The following SHROOM3 variants were observed in gnomAD, a reference collection of about 807,000 sequenced individuals.
SHROOM3 encodes the protein protein Shroom3.
In SHROOM3, 47 loss-of-function variants were observed where a neutral mutation model predicts 138.6. The ratio of observed to expected loss-of-function variants is 0.34; its 90% CI spans 0.27 to 0.43. The LOEUF (loss-of-function observed/expected upper bound fraction) is 0.43, where lower values mean the gene tolerates loss of function less well. Among genes scored for constraint, SHROOM3 ranks in the 20% least tolerant of loss-of-function variants. SHROOM3 has a pLI of 1.00. For synonymous variants in SHROOM3, 1,062 were observed against 1,063.3 expected (o/e 1.00, Z 0.02); for missense variants, 2,491 against 2,596.5 (o/e 0.96, Z 0.88).
At chr4:76,680,404 A>G (rs10019699) in intron 2 of SHROOM3, among the ~76,000 whole-genome samples, 103,139 of 152,110 alleles carry the variant, frequency 0.68, 36,107 homozygotes, top group East Asian at 0.94. Flanking sequence ...CTCCCAAAGT[A>G]CTGGGATTAC....
chr4:76,586,142 A>T (rs548887078), intron 2 of SHROOM3: 2 of 609,560 alleles, frequency 3.3e-6, no homozygotes, highest in South Asian at 7.2e-5. Flanking sequence ...TTCCCCTTAC[A>T]TCAGCGGGCC....
At chr4:76,665,580 A>G (rs900637421) in intron 2 of SHROOM3, among the ~76,000 whole-genome samples, 13 of 152,202 alleles carry the variant, frequency 8.5e-5, no homozygotes, top group African/African-American at 2.9e-4. Flanking sequence ...ATCTACAATA[A>G]TTAAAATGGT....
intron 1 of SHROOM3, among the ~76,000 whole-genome samples, chr4:76,514,988 G>A (rs754813067): frequency 1.3e-5 from 2 of 152,150 alleles, no homozygotes; most frequent in Non-Finnish European, 2.9e-5. Flanking sequence ...GCCAAGGTGG[G>A]TGGATCGCTT....
chr4:76,677,464 G>A (rs893817558), intron 2 of SHROOM3, among the ~76,000 whole-genome samples: 1 of 152,150 alleles, frequency 6.6e-6, no homozygotes, highest in African/African-American at 2.4e-5. Context: ...CTACCTTAAG[G>A]TATTATTGTA....
At chr4:76,609,271 A>C (rs903723501) in intron 2 of SHROOM3, among the ~76,000 whole-genome samples, 1 of 152,142 alleles carries the variant, frequency 6.6e-6, no homozygotes, top group South Asian at 2.1e-4. Context: ...CCATATAGAC[A>C]ATCTGTTTTG....
At chr4:76,650,637 C>T (rs192049892) in intron 2 of SHROOM3, among the ~76,000 whole-genome samples, 2,264 of 151,918 alleles carry the variant, frequency 0.015, 59 homozygotes, top group African/African-American at 0.051. Flanking sequence ...CTCTGCTGCC[C>T]GGGTTCAAGC....
intron 2 of SHROOM3, among the ~76,000 whole-genome samples, chr4:76,620,131 A>AT (rs1199659489): frequency 6.6e-6 from 1 of 151,672 alleles, no homozygotes; most frequent in East Asian, 1.9e-4. Flanking sequence ...TTGATCACTA[A>AT]TTTTTTGTGA....
intron 2 of SHROOM3, among the ~76,000 whole-genome samples, chr4:76,591,917 A>G (rs1734281256): frequency 6.6e-6 from 1 of 152,266 alleles, no homozygotes; most frequent in African/African-American, 2.4e-5. Flanking sequence ...TCTGGCACAC[A>G]GTCTAGTCAA....
At chr4:76,766,276 G>C (rs1722153511) in intron 9 of SHROOM3, among the ~76,000 whole-genome samples, 1 of 152,224 alleles carries the variant, frequency 6.6e-6, no homozygotes, top group African/African-American at 2.4e-5. Flanking sequence ...TTTTCGGCAG[G>C]TGTTATTTTC....
intron 2 of SHROOM3, among the ~76,000 whole-genome samples, chr4:76,669,224 C>T (rs938171672): frequency 3.3e-5 from 5 of 152,118 alleles, no homozygotes; most frequent in Admixed American, 1.3e-4. Context: ...TTCATTTATC[C>T]TTGTTAAACC....
chr4:76,482,441 C>G (rs1436961025), intron 1 of SHROOM3, among the ~76,000 whole-genome samples: 1 of 152,132 alleles, frequency 6.6e-6, no homozygotes, highest in African/African-American at 2.4e-5. Context: ...AGGAATCCAA[C>G]TTACAAGGGA....
At chr4:76,720,151 G>GTTTTTT (rs59839066) in intron 3 of SHROOM3, among the ~76,000 whole-genome samples, 8 of 83,016 alleles carry the variant, frequency 9.6e-5, no homozygotes, top group Non-Finnish European at 1.5e-4. Flanking sequence ...TGTTTTTTAG[G>GTTTTTT]TTTTTTTTTT....
intron 1 of SHROOM3, among the ~76,000 whole-genome samples, chr4:76,531,914 T>C (rs1732835516): frequency 6.6e-6 from 1 of 151,964 alleles, no homozygotes. Flanking sequence ...GCTCTTTTTT[T>C]TTTTTTTTTA....
At chr4:76,665,059 G>A (rs1241869923) in intron 2 of SHROOM3, among the ~76,000 whole-genome samples, 3 of 152,124 alleles carry the variant, frequency 2.0e-5, no homozygotes, top group Non-Finnish European at 2.9e-5. Context: ...TGGAGGGAAG[G>A]ATTCCCACCT....
intron 2 of SHROOM3, among the ~76,000 whole-genome samples, chr4:76,605,610 G>A (rs1455500604): frequency 1.3e-5 from 2 of 152,040 alleles, no homozygotes; most frequent in South Asian, 2.1e-4. Context: ...GAATTGCTTA[G>A]TTGTTGAGAG....
At chr4:76,545,292 G>A (rs1347754561) in intron 1 of SHROOM3, among the ~76,000 whole-genome samples, 1 of 152,166 alleles carries the variant, frequency 6.6e-6, no homozygotes, top group African/African-American at 2.4e-5. Flanking sequence ...GAGTTGAGTG[G>A]CTGAAGATGC....
intron 2 of SHROOM3, among the ~76,000 whole-genome samples, chr4:76,627,698 G>C (rs1345675848): frequency 6.9e-6 from 1 of 145,404 alleles, no homozygotes; most frequent in East Asian, 2.0e-4. Flanking sequence ...GTCTTGCTAT[G>C]TTGCCCAGAA....
At chr4:76,470,658 G>A (rs1731350591) in intron 1 of SHROOM3, among the ~76,000 whole-genome samples, 1 of 152,146 alleles carries the variant, frequency 6.6e-6, no homozygotes, top group Admixed American at 6.6e-5. Context: ...CTAATAGATT[G>A]TCCCTACCTT....
intron 2 of SHROOM3, among the ~76,000 whole-genome samples, chr4:76,660,485 A>T (rs57905283): frequency 0.14 from 21,477 of 151,508 alleles, 1,708 homozygotes; most frequent in African/African-American, 0.22. Context: ...ATTTTAATTA[A>T]TTTTTTTTAA....
Sources: allele counts gnomAD v4.1 joint callset (sites outside exome capture counted in the v4.1 genomes callset), GRCh38; gene constraint gnomAD v4.1.1; transcripts MANE v1.5; gene names NCBI Gene and HGNC (gene_info 2026-07-23, HGNC 2026-07-21).